Variants in GTF3A observed in about 807,000 individuals in gnomAD.
GTF3A encodes transcription factor IIIA.
Under a neutral mutation model 37.6 loss-of-function variants are expected in GTF3A, and 40 were observed. The observed-to-expected ratio is 1.06, with a 90% CI of 0.83 to 1.38. GTF3A has a LOEUF of 1.38. GTF3A is among the 40% of genes most tolerant of loss of function. The pLI is 0.00. For missense variants in GTF3A, 500 were observed against 462.6 expected (o/e 1.08, Z -0.74); for synonymous variants, 191 against 166.7 (o/e 1.15, Z -1.12).
intron 2 of GTF3A, among the ~76,000 whole-genome samples, chr13:27,429,665 A>G (rs1953640366): frequency 6.6e-6 from 1 of 152,248 alleles, no homozygotes; most frequent in African/African-American, 2.4e-5. Context: ...TCAGAAGCCT[A>G]ATATGAAAAA....
intron 2 of GTF3A, 96 bp from the exon 3 acceptor site, chr13:27,429,774 G>A (rs1415609159): frequency 1.7e-6 from 1 of 606,030 alleles, no homozygotes; most frequent in Non-Finnish European, 2.8e-6. Flanking sequence ...ACTATTCTTT[G>A]GAAGAATTAG....
chr13:27,424,797 C>A lies in GTF3A; in HGVS notation c.60C>A (p.Phe20Leu). 1 of 1,545,472 alleles carries A rather than the reference C, an allele frequency of 6.5e-7. No homozygotes were observed. Among genetic ancestry groups the A allele is most frequent in the Non-Finnish European group, 8.7e-7 (1 of 1,145,028 alleles). ...CGTCCTTGACCATCGCCGACGCGTTCATTGCAGCCGGCGAGAGCTCAGCTC... is the reference window on the plus strand; with the variant it reads ...CGTCCTTGACCATCGCCGACGCGTTAATTGCAGCCGGCGAGAGCTCAGCTC... The change falls in exon 1 of 9, where the codon TTC becomes TTA. Residue 20 changes from phenylalanine (F) to leucine (L), a missense_variant. Coordinates refer to ENST00000381140, the MANE Select transcript of GTF3A (RefSeq NM_002097.3).
chr13:27,431,432 T>A (rs532347608), intron 4 of GTF3A, among the ~76,000 whole-genome samples: 2 of 152,310 alleles, frequency 1.3e-5, no homozygotes, highest in East Asian at 3.9e-4. Flanking sequence ...GTGATGTATA[T>A]ACACCATGGA....
intron 5 of GTF3A, 146 bp from the exon 6 acceptor site, chr13:27,433,993 A>AAG: frequency 1.7e-6 from 1 of 580,448 alleles, no homozygotes; most frequent in South Asian, 2.4e-5. Context: ...ATCTTTTTTT[A>AAG]GTTTTTATTC....
rs116244675 is a variant in GTF3A, at chr13:27,435,774, A to C, written c.*177A>C. 3.7e-6 allele frequency: 6 copies of C among 1,613,834 alleles called. No individual in the cohort carries two copies. Among genetic ancestry groups the C allele is most frequent in the Non-Finnish European group, 5.1e-6 (6 of 1,179,972 alleles). On this transcript the variant is annotated 3_prime_UTR_variant, in exon 9 of 9. Coordinates refer to ENST00000381140, the MANE Select transcript of GTF3A (RefSeq NM_002097.3). ...GAGTTTCTTTATATGCCTTCTCCTC[A>C]TTTTTGCTGAAAGCACGAAGAACAC...
intron 5 of GTF3A, 79 bp downstream of exon 5, chr13:27,432,883 T>C (rs746926175): frequency 2.9e-5 from 34 of 1,182,770 alleles, no homozygotes; most frequent in Non-Finnish European, 3.8e-5. Context: ...GTGATCACGC[T>C]GAAAAGATGG....
At chr13:27,430,021 A>T (rs1268384908) in intron 3 of GTF3A, 55 bp downstream of exon 3, 1 of 936,764 alleles carries the variant, frequency 1.1e-6, no homozygotes, top group African/African-American at 1.7e-5. Context: ...CTTACTGCCT[A>T]TGTTTCTGAC....
chr13:27,430,510 A>C (rs368415433), intron 3 of GTF3A, 23 bp from the exon 4 acceptor site: 45 of 1,435,624 alleles, frequency 3.1e-5, no homozygotes, highest in South Asian at 1.6e-4. Flanking sequence ...CCATAAGACT[A>C]ACGAGCCTTT....
Position 27,424,864 on chromosome 13 carries a change from T to A in GTF3A, c.127T>A (p.Ser43Thr). Residue 43 changes from serine (S) to threonine (T), a missense_variant, in exon 1 of 9, where the codon TCC becomes ACC. Ser to Thr is a moderately conservative substitution (Grantham distance 58). Coordinates refer to ENST00000381140, the MANE Select transcript of GTF3A (RefSeq NM_002097.3). The stretch of plus-strand genomic sequence containing the variant: ...CGCGCTTCCCAGGAGGTTCATCTGC[T>A]CCTTCCCTGACTGCAGCGCCAATTA... The A allele has an allele frequency of 6.5e-7, 1 of 1,550,174 alleles. No individual in the cohort carries two copies.
chr13:27,424,958 C>T lies in GTF3A; in HGVS notation c.201+20C>T. 1 of 1,526,962 alleles carries T rather than the reference C, an allele frequency of 6.5e-7. No homozygotes were observed. The highest frequency in any genetic ancestry group is 8.8e-7 in the Non-Finnish European group (1 of 1,131,778). 94.6% of individuals were successfully genotyped at this position (1,526,962 alleles called of 1,614,324 possible). A position where few individuals can be genotyped will look rare whatever the true frequency, so the allele number is the denominator to read the frequency against. ...GGGGAGGTGAGGGGGGCGAGGCTGCCAACCCTGGGCCTAGGGATGGCGCGT... is the reference window on the plus strand; with the variant it reads ...GGGGAGGTGAGGGGGGCGAGGCTGCTAACCCTGGGCCTAGGGATGGCGCGT... On this transcript the variant is annotated intron_variant, in intron 1 of 8. Transcript: ENST00000381140.
intron 6 of GTF3A, 49 bp from the exon 7 acceptor site, chr13:27,434,756 A>G: frequency 9.4e-7 from 1 of 1,058,594 alleles, no homozygotes; most frequent in Non-Finnish European, 1.4e-6. Flanking sequence ...TTTTTTCTAA[A>G]TGGTAATATC....
chr13:27,435,810 T>G lies in GTF3A; in HGVS notation c.*213T>G. The G allele has an allele frequency of 6.2e-7, 1 of 1,614,148 alleles. No homozygotes were observed. On this transcript the variant is annotated 3_prime_UTR_variant, in exon 9 of 9. Transcript: ENST00000381140. ...AAGCACGAAGAACACACATTAAAGC[T>G]TTTCCTCCTTGAACAGCTTGTGGCC... is the stretch of plus-strand genomic sequence containing the variant.
Position 27,432,758 on chromosome 13 carries a change from C to G in GTF3A, c.516C>G (p.His172Gln). The G allele has an allele frequency of 6.2e-7, 1 of 1,606,316 alleles. No homozygotes were observed. Among genetic ancestry groups the G allele is most frequent in the Non-Finnish European group, 8.5e-7 (1 of 1,176,258 alleles). ...GTACCCAGGAAGGATGTGGGAAACACTTTGCATCACCCAGCAAGCTGAAAC... is the reference window on the plus strand; with the variant it reads ...GTACCCAGGAAGGATGTGGGAAACAGTTTGCATCACCCAGCAAGCTGAAAC... The change falls in exon 5 of 9, where the codon CAC becomes CAG. Residue 172 changes from histidine to glutamine, a missense_variant. By Grantham distance (24) the His-to-Gln change is conservative. Transcript: ENST00000381140.
In GTF3A at chr13:27,435,642, C is replaced by G. The variant is rs1185871479; in HGVS notation, c.*45C>G. 1.2e-6 allele frequency: 2 copies of G among 1,612,508 alleles called. No homozygotes were observed. Among genetic ancestry groups the G allele is most frequent in the African/African-American group, 2.7e-5 (2 of 74,836 alleles). ...AAAGGACTGCAGACCAAGGAGCGAGCTTTCTCTCAGAGCATGCTTTTCTTT... is the reference window on the plus strand; with the variant it reads ...AAAGGACTGCAGACCAAGGAGCGAGGTTTCTCTCAGAGCATGCTTTTCTTT... On this transcript the variant is annotated 3_prime_UTR_variant, in exon 9 of 9. Transcript: ENST00000381140.
intron 2 of GTF3A, among the ~76,000 whole-genome samples, chr13:27,428,762 C>T (rs899926394): frequency 9.9e-5 from 15 of 152,182 alleles, no homozygotes; most frequent in Non-Finnish European, 1.8e-4. Context: ...TTGTCTTGTG[C>T]GACTGAAATA....
intron 3 of GTF3A, 49 bp from the exon 4 acceptor site, chr13:27,430,484 A>G (rs752820663): frequency 5.2e-6 from 6 of 1,163,956 alleles, no homozygotes; most frequent in Non-Finnish European, 7.6e-6. Flanking sequence ...CGAACTGTTC[A>G]TTTTGTTTTG....
intron 5 of GTF3A, among the ~76,000 whole-genome samples, chr13:27,433,510 C>CT (rs1953676680): frequency 1.1e-5 from 1 of 87,042 alleles, no homozygotes; most frequent in East Asian, 3.0e-4. Flanking sequence ...TAGCTGTACT[C>CT]TTTTAAAAAA....
In GTF3A at chr13:27,424,956, G is replaced by C; in HGVS notation, c.201+18G>C. ...CGGGGGAGGTGAGGGGGGCGAGGCT[G>C]CCAACCCTGGGCCTAGGGATGGCGC... On this transcript the variant is annotated intron_variant, in intron 1 of 8. Coordinates refer to ENST00000381140, the MANE Select transcript of GTF3A (RefSeq NM_002097.3). 1 of 1,531,176 alleles carries C rather than the reference G, an allele frequency of 6.5e-7. No homozygotes were observed. Among genetic ancestry groups the C allele is most frequent in the Non-Finnish European group, 8.8e-7 (1 of 1,134,916 alleles). The allele number at this position is 1,531,176 out of a possible 1,614,324, so 94.8% of individuals were successfully genotyped here.
rs1953706629 is a variant in GTF3A at position 27,435,503 on chromosome 13, A to G, written c.1004A>G (p.Gln335Arg). The change falls in exon 9 of 9, where the codon CAA becomes CGA. Residue 335 changes from glutamine (Q) to arginine (R), a missense_variant. Physicochemically the swap from Gln to Arg is conservative, Grantham distance 43. Transcript: ENST00000381140. ...GGATATATCCCTCCCAAAAGGAAAC[A>G]AGGGCAAGGCTTATCTTTGTGTCAA... The G allele has an allele frequency of 6.2e-7, 1 of 1,613,472 alleles. No individual in the cohort carries two copies.
Sources: gnomAD v4.1 joint callset for allele counts (sites outside exome capture counted in the v4.1 genomes callset) on GRCh38, gnomAD v4.1.1 for gene constraint, MANE v1.5 for transcripts, NCBI Gene and HGNC (gene_info 2026-07-23, HGNC 2026-07-21) for gene names.